Variants in OTOGL observed in about 807,000 individuals in gnomAD.
The protein encoded by OTOGL is otogelin-like protein.
Under a neutral mutation model 318.5 loss-of-function variants are expected in OTOGL, and 285 were observed. That is an observed-to-expected ratio of 0.89 (90% confidence interval 0.81 to 0.99). The LOEUF (loss-of-function observed/expected upper bound fraction) is 0.99, where lower values mean the gene tolerates loss of function less well. OTOGL is among the 50% of genes least tolerant of loss of function. The pLI is 0.00. For missense variants in OTOGL, 2,899 were observed against 2,845.6 expected, an observed-to-expected ratio of 1.02 and a Z score of -0.43; for synonymous variants, 987 against 936.5, an observed-to-expected ratio of 1.05 and a Z score of -0.99.
At chr12:80,355,706 G>C (rs754674469) in intron 46 of OTOGL, 30 bp from the exon 47 acceptor site, 49 of 1,559,548 alleles carry the variant, frequency 3.1e-5, no homozygotes, top group Non-Finnish European at 4.2e-5. Context: ...CCCAGGTTTT[G>C]AGTGTTATAA....
At chr12:80,120,269 T>C (rs1870411122) in intron 1 of OTOGL, among the ~76,000 whole-genome samples, 1 of 152,152 alleles carries the variant, frequency 6.6e-6, no homozygotes, top group South Asian at 2.1e-4. Context: ...AACTGCAAGA[T>C]TTACTGACAT....
At position 80,366,561 on chromosome 12, in the gene OTOGL, A is replaced by T. The variant is rs756320865; in HGVS notation, c.6268-13A>T. On this transcript the variant is annotated splice_polypyrimidine_tract_variant and intron_variant, in intron 52 of 58. Coordinates refer to ENST00000547103, the MANE Select transcript of OTOGL (RefSeq NM_001378609.3). ...AAGCTAAATGATAAGTAATAGTAGT[A>T]TATTTTCAATAGGGAGAATTTACTG... The T allele has an allele frequency of 2.5e-5, 27 of 1,085,002 alleles. No individual in the cohort carries two copies. In the South Asian group the frequency reaches 6.2e-4, roughly 25 times the overall value. 67.2% of individuals were successfully genotyped at this position (1,085,002 alleles called of 1,614,324 possible).
At chr12:80,336,189 T>C (rs1888388977) in intron 39 of OTOGL, 49 bp downstream of exon 39, 4 of 1,481,548 alleles carry the variant, frequency 2.7e-6, no homozygotes, top group Non-Finnish European at 3.6e-6. Flanking sequence ...TTTTTTAATC[T>C]GGAGAGATTG....
At chr12:80,255,800 T>C (rs1378316926) in intron 16 of OTOGL, among the ~76,000 whole-genome samples, 1 of 151,978 alleles carries the variant, frequency 6.6e-6, no homozygotes, top group Non-Finnish European at 1.5e-5. Flanking sequence ...TTTTTAGTTC[T>C]ATTCTAATAG....
chr12:80,224,869 G>A (rs73358904), intron 7 of OTOGL, among the ~76,000 whole-genome samples: 3,484 of 151,974 alleles, frequency 0.023, 159 homozygotes, highest in African/African-American at 0.079. Flanking sequence ...TATCTTAATT[G>A]TACATTTTTA....
intron 1 of OTOGL, among the ~76,000 whole-genome samples, chr12:80,183,110 G>A (rs1875043277): frequency 6.6e-6 from 1 of 152,152 alleles, no homozygotes; most frequent in East Asian, 1.9e-4. Context: ...TACAATTGGT[G>A]CCTTCATCAA....
At chr12:80,271,594 C>T in intron 23 of OTOGL, 54 bp from the exon 24 acceptor site, 2 of 1,531,686 alleles carry the variant, frequency 1.3e-6, no homozygotes, top group South Asian at 1.2e-5. Context: ...GTGTTCATAT[C>T]TCCCATGCCA....
chr12:80,244,292 G>T (rs1880664738), intron 11 of OTOGL, among the ~76,000 whole-genome samples: 1 of 148,394 alleles, frequency 6.7e-6, no homozygotes, highest in African/African-American at 2.5e-5. Flanking sequence ...CTAGCATTAG[G>T]TATATCTCCC....
intron 29 of OTOGL, among the ~76,000 whole-genome samples, chr12:80,307,978 T>C (rs1366752091): frequency 1.6e-5 from 2 of 128,054 alleles, no homozygotes; most frequent in Admixed American, 7.4e-5. Flanking sequence ...GGCTCCTCAG[T>C]TCCCAGTAGG....
At chr12:80,136,225 T>G (rs1871562064) in intron 1 of OTOGL, among the ~76,000 whole-genome samples, 1 of 152,162 alleles carries the variant, frequency 6.6e-6, no homozygotes, top group Non-Finnish European at 1.5e-5. Flanking sequence ...AGAATCAGGC[T>G]TTCACTCTCA....
intron 27 of OTOGL, among the ~76,000 whole-genome samples, chr12:80,300,159 A>G (rs550141075): frequency 6.6e-6 from 1 of 151,922 alleles, no homozygotes; most frequent in East Asian, 1.9e-4. Context: ...AAACAGGGAA[A>G]AAGTTTCATT....
At chr12:80,213,064 A>ATAGG (rs1167488612) in intron 4 of OTOGL, among the ~76,000 whole-genome samples, 1 of 152,246 alleles carries the variant, frequency 6.6e-6, no homozygotes, top group Non-Finnish European at 1.5e-5. Context: ...TGGCTACTCC[A>ATAGG]TAGGCAGAGC....
chr12:80,366,149 C>T (rs972192927), intron 52 of OTOGL: 34 of 203,712 alleles, frequency 1.7e-4, no homozygotes, highest in Non-Finnish European at 3.1e-4. Context: ...GTAATGTGCC[C>T]TAAATCAAAA....
At chr12:80,214,251 G>A (rs1482318823) in intron 4 of OTOGL, among the ~76,000 whole-genome samples, 1 of 152,242 alleles carries the variant, frequency 6.6e-6, no homozygotes, top group East Asian at 1.9e-4. Context: ...AAATAAAGGA[G>A]AAAGGAAAAT....
chr12:80,230,803 T>C (rs1399884389), intron 8 of OTOGL, among the ~76,000 whole-genome samples: 1 of 152,234 alleles, frequency 6.6e-6, no homozygotes, highest in African/African-American at 2.4e-5. Context: ...TTCTTTCACC[T>C]GTGAAATAAG....
chr12:80,109,653 C>A (rs1055406594), intron 1 of OTOGL, among the ~76,000 whole-genome samples: 1 of 152,164 alleles, frequency 6.6e-6, no homozygotes, highest in African/African-American at 2.4e-5. Context: ...CAATTTATTT[C>A]ATTATTGGCC....
chr12:80,208,018 T>A (rs1876941636), intron 1 of OTOGL, among the ~76,000 whole-genome samples: 1 of 151,856 alleles, frequency 6.6e-6, no homozygotes, highest in South Asian at 2.1e-4. Flanking sequence ...CTTCAATTAA[T>A]TAAACCTATT....
chr12:80,222,241 T>C lies in OTOGL; in HGVS notation c.485T>C (p.Val162Ala). The C allele has an allele frequency of 6.3e-7, 1 of 1,587,760 alleles. No homozygotes were observed. The highest frequency in any genetic ancestry group is 8.5e-7 in the Non-Finnish European group (1 of 1,173,006). ...GGTGATTTGGAGCCTCGGTACACTG[T>C]ATGGGTAGGTGATTGTAGGACATGA... is the stretch of plus-strand genomic sequence containing the variant. ...DCGDLEPRYT[V>A]WVHNSPKCLG... is the part of the protein sequence containing the mutation. Residue 162 changes from valine (V) to alanine (A), a missense_variant, in exon 7 of 59, where the codon GTA becomes GCA. Around this residue, in one of 3 missense-constraint regions of OTOGL, gnomAD observed 2,607 missense variants for 2,524.9 expected, o/e 1.03. Transcript: ENST00000547103.
intron 11 of OTOGL, among the ~76,000 whole-genome samples, chr12:80,250,053 C>A (rs572250319): frequency 1.8e-4 from 27 of 152,100 alleles, no homozygotes; most frequent in South Asian, 4.2e-4. Flanking sequence ...CACTGACCTG[C>A]GCCCACTGTC....
Sources: gnomAD v4.1 joint callset for allele counts (sites outside exome capture counted in the v4.1 genomes callset) on GRCh38, gnomAD v4.1.1 for gene constraint, gnomAD v4.1.1 regional missense constraint, MANE v1.5 for transcripts, NCBI Gene and HGNC (gene_info 2026-07-23, HGNC 2026-07-21) for gene names.